Variants in BABAM2 observed in about 807,000 individuals in gnomAD.
The protein encoded by BABAM2 is BRISC and BRCA1 A complex member 2.
In BABAM2, 31 loss-of-function variants were observed where a neutral mutation model predicts 54.7. The observed-to-expected ratio is 0.57, with a 90% CI of 0.43 to 0.77. BABAM2 has a LOEUF of 0.77. Ranked by LOEUF, BABAM2 falls within the 30% of genes least tolerant of loss-of-function variation. The pLI is 0.00. For synonymous variants in BABAM2, 167 were observed against 162.9 expected (o/e 1.03, Z -0.19); for missense variants, 364 against 455.8 (o/e 0.80, Z 1.83).
intron 6 of BABAM2, among the ~76,000 whole-genome samples, chr2:28,099,386 T>C (rs1305009958): frequency 6.6e-6 from 1 of 152,068 alleles, no homozygotes; most frequent in Non-Finnish European, 1.5e-5. Context: ...AACCTGGTTG[T>C]AGTGTGTTTG....
chr2:28,208,343 G>A (rs1679096843), intron 7 of BABAM2, among the ~76,000 whole-genome samples: 1 of 152,194 alleles, frequency 6.6e-6, no homozygotes, highest in Non-Finnish European at 1.5e-5. Flanking sequence ...AGATTATTGA[G>A]TTTAATTTGT....
intron 7 of BABAM2, among the ~76,000 whole-genome samples, chr2:28,211,519 C>G (rs1679458356): frequency 6.6e-6 from 1 of 151,626 alleles, no homozygotes; most frequent in Admixed American, 6.6e-5. Context: ...TCCCGAGTAG[C>G]TGGGATTACA....
chr2:28,308,987 G>A (rs975304835), intron 11 of BABAM2: 7 of 152,172 alleles, frequency 4.6e-5, no homozygotes, highest in Admixed American at 1.3e-4. Context: ...CTTTTAAAAC[G>A]CCACTAATTA....
intron 7 of BABAM2, among the ~76,000 whole-genome samples, chr2:28,167,790 G>A (rs1673877120): frequency 6.6e-6 from 1 of 152,022 alleles, no homozygotes; most frequent in South Asian, 2.1e-4. Context: ...GCTAAGATTT[G>A]GTTACTCTAT....
chr2:27,907,409 A>T (rs1270717587), intron 2 of BABAM2, among the ~76,000 whole-genome samples: 1 of 151,888 alleles, frequency 6.6e-6, no homozygotes, highest in African/African-American at 2.4e-5. Flanking sequence ...ATTTTTTTTC[A>T]TCTGTGGACT....
chr2:28,052,313 A>T lies in BABAM2; in HGVS notation c.570+6514A>T, dbSNP rs554686879. 2.7e-5 allele frequency among the ~76,000 whole-genome samples: 4 copies of T among 149,780 alleles called. No homozygotes were observed. The South Asian group carries it at 8.5e-4, about 32-fold the overall frequency. On this transcript the variant is annotated intron_variant, in intron 6 of 11. Transcript: ENST00000379624. ...TTTTTTTTTTTTTTCCAATAGACAG[A>T]GTCTTGCTCTGTCACCCAGGCTGGA...
chr2:28,303,693 C>T (rs1303758764), intron 11 of BABAM2, among the ~76,000 whole-genome samples: 1 of 151,850 alleles, frequency 6.6e-6, no homozygotes, highest in Middle Eastern at 3.2e-3. Context: ...TTGCCAATTC[C>T]CACCTCTCCC....
At chr2:28,199,904 G>T (rs973495043) in intron 7 of BABAM2, among the ~76,000 whole-genome samples, 2 of 152,130 alleles carry the variant, frequency 1.3e-5, no homozygotes, top group African/African-American at 4.8e-5. Flanking sequence ...TGTGGAGCTG[G>T]ACGGTTCCTA....
At chr2:28,171,685 G>T (rs1674342477) in intron 7 of BABAM2, among the ~76,000 whole-genome samples, 1 of 152,086 alleles carries the variant, frequency 6.6e-6, no homozygotes, top group Non-Finnish European at 1.5e-5. Flanking sequence ...GACTTTTGTG[G>T]TTGAGATTTT....
At chr2:28,132,433 T>C (rs551259470) in intron 7 of BABAM2, among the ~76,000 whole-genome samples, 5 of 152,218 alleles carry the variant, frequency 3.3e-5, no homozygotes, top group Non-Finnish European at 7.4e-5. Context: ...CCACCACGCC[T>C]GGCCTCTTCT....
intron 3 of BABAM2, among the ~76,000 whole-genome samples, chr2:27,944,828 A>G (rs562549961): frequency 1.4e-4 from 22 of 152,310 alleles, no homozygotes; most frequent in African/African-American, 4.3e-4. Context: ...GCACTATTTT[A>G]CATTCCTGCT....
At chr2:28,209,341 T>TTACC (rs1360973712) in intron 7 of BABAM2, among the ~76,000 whole-genome samples, 1 of 152,172 alleles carries the variant, frequency 6.6e-6, no homozygotes, top group African/African-American at 2.4e-5. Flanking sequence ...AAGGTTATGA[T>TTACC]TACCTATTAG....
At chr2:28,040,338 TC>T (rs1180364717) in intron 5 of BABAM2, among the ~76,000 whole-genome samples, 3 of 117,030 alleles carry the variant, frequency 2.6e-5, no homozygotes, top group Non-Finnish European at 5.3e-5. Flanking sequence ...TCTCGCTCTG[TC>T]GCCCAGGCTG....
chr2:28,092,586 G>T (rs1666242288), intron 6 of BABAM2, among the ~76,000 whole-genome samples: 1 of 152,144 alleles, frequency 6.6e-6, no homozygotes, highest in African/African-American at 2.4e-5. Context: ...TAAGACAGAG[G>T]TATACCATGG....
intron 7 of BABAM2, among the ~76,000 whole-genome samples, chr2:28,228,427 C>T (rs1473492931): frequency 6.6e-6 from 1 of 152,168 alleles, no homozygotes. Context: ...TCTAGGATAA[C>T]TATTGTATGC....
At chr2:28,249,193 T>C (rs772526735) in intron 10 of BABAM2, among the ~76,000 whole-genome samples, 1 of 151,326 alleles carries the variant, frequency 6.6e-6, no homozygotes, top group Non-Finnish European at 1.5e-5. Context: ...AGTTCAAGCG[T>C]TTCTTCTGCC....
chr2:28,015,686 C>T, intron 4 of BABAM2: 1 of 877,326 alleles, frequency 1.1e-6, no homozygotes, highest in Non-Finnish European at 1.5e-6. Context: ...ATAGTTTTCA[C>T]AGTTGAAATT....
intron 3 of BABAM2, among the ~76,000 whole-genome samples, chr2:27,936,171 T>A (rs1558600412): frequency 1.3e-5 from 2 of 152,084 alleles, no homozygotes; most frequent in Non-Finnish European, 2.9e-5. Flanking sequence ...CCACCCACCT[T>A]CGCCTCCCAA....
At chr2:28,326,697 A>G (rs1245406515) in intron 11 of BABAM2, among the ~76,000 whole-genome samples, 2 of 152,192 alleles carry the variant, frequency 1.3e-5, no homozygotes, top group African/African-American at 4.8e-5. Context: ...GCAGGCATTC[A>G]TTTAGCACCA....
Sources: allele counts gnomAD v4.1 joint callset (sites outside exome capture counted in the v4.1 genomes callset), GRCh38; gene constraint gnomAD v4.1.1; transcripts MANE v1.5; gene names NCBI Gene and HGNC (gene_info 2026-07-23, HGNC 2026-07-21).